The following SCN2A variants were observed in gnomAD, a reference collection of about 807,000 sequenced individuals.
The protein encoded by SCN2A is sodium voltage-gated channel alpha subunit 2, also known as sodium channel protein type 2 subunit alpha.
A neutral mutation model predicts 188.7 loss-of-function variants in SCN2A; 20 were observed. That is an observed-to-expected ratio of 0.11 (90% CI 0.07 to 0.15). The LOEUF is 0.15. Ranked by LOEUF, SCN2A falls within the 10% of genes least tolerant of loss-of-function variation. SCN2A has a pLI of 1.00. For missense variants in SCN2A, 1,278 were observed against 2,445.0 expected (o/e 0.52, Z 10.07); for synonymous variants, 804 against 833.1 (o/e 0.97, Z 0.60).
At chr2:165,327,972 G>C (rs906013884) in intron 13 of SCN2A, 1 of 151,972 alleles carries the variant, frequency 6.6e-6, no homozygotes, top group African/African-American at 2.4e-5. Context: ...CCCCTTCCCA[G>C]GTATGTGTGT....
At chr2:165,272,894 A>G (rs1695166626) in intron 1 of SCN2A, 1 of 152,032 alleles carries the variant, frequency 6.6e-6, no homozygotes, top group African/African-American at 2.4e-5. Flanking sequence ...ATATTATTTC[A>G]TAATAATCAA....
chr2:165,365,070 C>A lies in SCN2A; in HGVS notation c.3400-73C>A, dbSNP rs1700652343. On this transcript the variant is annotated intron_variant, in intron 17 of 26. Coordinates refer to ENST00000375437, the MANE Select transcript of SCN2A (RefSeq NM_001040142.2). Reference sequence around the variant, plus strand: ...ATGCATACAGAAGATGGGGGGGGGGCACACCTAATTAATTTTTATATTTAG... The same window carrying A: ...ATGCATACAGAAGATGGGGGGGGGGAACACCTAATTAATTTTTATATTTAG... 13 of 1,255,520 alleles carry A rather than the reference C, an allele frequency of 1.0e-5. No individual in the cohort carries two copies. The South Asian group carries it at 1.4e-4, about 14-fold the overall frequency. 77.8% of individuals were successfully genotyped at this position (1,255,520 alleles called of 1,614,324 possible).
In SCN2A at chr2:165,388,983, G is replaced by A; in HGVS notation, c.5177G>A (p.Ser1726Asn). The A allele has an allele frequency of 6.2e-7, 1 of 1,614,122 alleles. No individual in the cohort carries two copies. The highest frequency in any genetic ancestry group is 1.1e-5 in the South Asian group (1 of 91,086). Reference sequence around the variant, plus strand: ...GGATTGCTAGCACCTATTCTTAATAGTGGACCTCCAGACTGTGACCCTGAC... The same window carrying A: ...GGATTGCTAGCACCTATTCTTAATAATGGACCTCCAGACTGTGACCCTGAC... ...WDGLLAPILNSGPPDCDPDKD... is the reference protein window; with the variant it reads ...WDGLLAPILNNGPPDCDPDKD... The change falls in exon 27 of 27, where the codon AGT becomes AAT. Residue 1726 changes from serine to asparagine, a missense_variant. Ser to Asn is a conservative substitution (Grantham distance 46, BLOSUM62 1). Transcript: ENST00000375437.
At chr2:165,288,593 A>G (rs1317961553) in intron 1 of SCN2A, among the ~76,000 whole-genome samples, 1 of 151,788 alleles carries the variant, frequency 6.6e-6, no homozygotes, top group East Asian at 1.9e-4. Flanking sequence ...AGTTCTTCAT[A>G]TTCTACTATT....
intron 1 of SCN2A, among the ~76,000 whole-genome samples, chr2:165,249,259 C>T (rs1693990867): frequency 6.6e-6 from 1 of 152,084 alleles, no homozygotes; most frequent in African/African-American, 2.4e-5. Flanking sequence ...AAATTTAATA[C>T]TGGTCCTGCA....
At chr2:165,311,924 A>G (rs1697455916) in intron 7 of SCN2A, 101 bp from the exon 8 acceptor site, 1 of 744,766 alleles carries the variant, frequency 1.3e-6, no homozygotes, top group African/African-American at 1.7e-5. Flanking sequence ...TATCCATCTC[A>G]TTATGATTGA....
At chr2:165,383,083 T>C (rs1407952775) in intron 25 of SCN2A, among the ~76,000 whole-genome samples, 3 of 152,150 alleles carry the variant, frequency 2.0e-5, no homozygotes, top group African/African-American at 7.2e-5. Flanking sequence ...TATTCCTGCA[T>C]TGACAATATG....
rs1553589022 is a variant in SCN2A, at chr2:165,365,206, G to A, written c.3463G>A (p.Glu1155Lys). 1.9e-6 allele frequency: 3 copies of A among 1,613,978 alleles called. No homozygotes were observed. The highest frequency in any genetic ancestry group is 8.5e-7 in the Non-Finnish European group (1 of 1,179,914). The change falls in exon 18 of 27, where the codon GAA (glutamate) becomes AAA (lysine). Residue 1155 changes from glutamate (E) to lysine (K), a missense_variant. Transcript: ENST00000375437. ...TGATATTGGAGCTCCCGCCGAGGGA[G>A]AACAGCCTGAGGTTGAACCTGAGGA... ...TVDIGAPAEGEQPEVEPEESL... is the reference protein window; with the variant it reads ...TVDIGAPAEGKQPEVEPEESL...
At chr2:165,330,894 C>T (rs1415394295) in intron 13 of SCN2A, among the ~76,000 whole-genome samples, 1 of 152,054 alleles carries the variant, frequency 6.6e-6, no homozygotes, top group Non-Finnish European at 1.5e-5. Context: ...AGAAGATCAC[C>T]AAAACATATC....
At chr2:165,264,718 A>G (rs752743582) in intron 1 of SCN2A, among the ~76,000 whole-genome samples, 2 of 151,882 alleles carry the variant, frequency 1.3e-5, no homozygotes, top group African/African-American at 4.8e-5. Context: ...AACATGTCAT[A>G]TTTGGTTTTC....
At chr2:165,364,710 A>G (rs1239157069) in intron 17 of SCN2A, among the ~76,000 whole-genome samples, 2 of 152,210 alleles carry the variant, frequency 1.3e-5, no homozygotes, top group Non-Finnish European at 2.9e-5. Context: ...ATTTGATCAA[A>G]TCTTTTCTGA....
At chr2:165,326,643 T>C (rs1698374580) in intron 12 of SCN2A, among the ~76,000 whole-genome samples, 1 of 152,142 alleles carries the variant, frequency 6.6e-6, no homozygotes, top group Non-Finnish European at 1.5e-5. Flanking sequence ...AAAGCCCACC[T>C]TGACAAACCC....
chr2:165,377,808 A>C (rs1229760815), intron 23 of SCN2A, among the ~76,000 whole-genome samples, 158 bp downstream of exon 23: 1 of 151,940 alleles, frequency 6.6e-6, no homozygotes, highest in African/African-American at 2.4e-5. Context: ...TATTTCTTTC[A>C]AAATTATCAT....
chr2:165,298,699 T>C (rs936330570), intron 3 of SCN2A, among the ~76,000 whole-genome samples: 1 of 152,166 alleles, frequency 6.6e-6, no homozygotes, highest in African/African-American at 2.4e-5. Flanking sequence ...TTATAAATTA[T>C]GATCTATTAT....
intron 17 of SCN2A, among the ~76,000 whole-genome samples, chr2:165,355,377 A>G (rs1212061038): frequency 1.3e-5 from 2 of 152,166 alleles, no homozygotes; most frequent in Admixed American, 1.3e-4. Context: ...GTATTCTTTG[A>G]TTTACAAGAA....
rs1339486472 is a variant in SCN2A, at chr2:165,370,280, T to G, written c.3830T>G (p.Leu1277Arg). 6.2e-7 allele frequency: 1 copy of G among 1,614,176 alleles called. No homozygotes were observed. The highest frequency in any genetic ancestry group is 8.5e-7 in the Non-Finnish European group (1 of 1,180,012). ...QVYFTNAWCW[L>R]DFLIVDVSLV... ...TATTTTACCAATGCCTGGTGCTGGC[T>G]AGACTTCCTGATTGTTGATGTGAGT... Residue 1277 changes from leucine (L) to arginine (R), a missense_variant, in exon 20 of 27, where the codon CTA becomes CGA. Transcript: ENST00000375437.
chr2:165,303,421 G>A (rs368871102), intron 3 of SCN2A, among the ~76,000 whole-genome samples: 38 of 151,748 alleles, frequency 2.5e-4, no homozygotes, highest in African/African-American at 8.2e-4. Flanking sequence ...GACTACAGGC[G>A]CCCGCCACCA....
Position 165,329,604 on chromosome 2 carries a change from T to C in SCN2A, c.2150-1726T>C, listed in dbSNP as rs1258413860. ...TCATTTTTTAAACTTTTCTCCAGTT[T>C]ATTTTTTTTCTATCCAGTTCCTGTT... On this transcript the variant is annotated intron_variant, in intron 13 of 26. Coordinates refer to ENST00000375437, the MANE Select transcript of SCN2A (RefSeq NM_001040142.2). Among the ~76,000 whole-genome samples, 3 of 152,320 alleles carry C rather than the reference T, an allele frequency of 2.0e-5. No homozygotes were observed. In the South Asian group the frequency reaches 6.2e-4, roughly 32 times the overall value.
intron 16 of SCN2A, among the ~76,000 whole-genome samples, chr2:165,346,248 G>GCAAGAA (rs1699579648): frequency 6.6e-6 from 1 of 152,122 alleles, no homozygotes. Flanking sequence ...GAATTTGAAT[G>GCAAGAA]TTGGCCTGTC....
Sources: gnomAD v4.1 joint callset for allele counts (sites outside exome capture counted in the v4.1 genomes callset) on GRCh38, gnomAD v4.1.1 for gene constraint, MANE v1.5 for transcripts, NCBI Gene and HGNC (gene_info 2026-07-23, HGNC 2026-07-21) for gene names.